Variants in RMC1 observed in about 807,000 individuals in gnomAD.
RMC1 encodes the protein regulator of MON1-CCZ1, also known as regulator of MON1-CCZ1 complex.
In RMC1, 44 loss-of-function variants were observed where a neutral mutation model predicts 95.5. The ratio of observed to expected loss-of-function variants is 0.46; its 90% CI spans 0.36 to 0.59. The LOEUF (loss-of-function observed/expected upper bound fraction) is 0.59. Among genes scored for constraint, RMC1 ranks in the 20% least tolerant of loss-of-function variants. RMC1 has a pLI of 0.00. For missense variants in RMC1, 705 were observed against 819.6 expected (o/e 0.86, Z 1.71); for synonymous variants, 320 against 303.6 (o/e 1.05, Z -0.56).
Position 23,516,007 on chromosome 18 carries a change from G to A in RMC1, c.549+11G>A. The A allele has an allele frequency of 6.2e-7, 1 of 1,613,826 alleles. No homozygotes were observed. The highest frequency in any genetic ancestry group is 8.5e-7 in the Non-Finnish European group (1 of 1,179,978). On this transcript the variant is annotated intron_variant, in intron 6 of 19. Coordinates refer to ENST00000269221, the MANE Select transcript of RMC1 (RefSeq NM_013326.5). ...CCTTTTCACTTTAGGGTAAGAGGAA[G>A]CCTCCCCTGAAAAAAACACCTTTCC...
At chr18:23,504,145 G>T (rs954288691) in intron 1 of RMC1, among the ~76,000 whole-genome samples, 3 of 152,242 alleles carry the variant, frequency 2.0e-5, no homozygotes, top group African/African-American at 7.2e-5. Flanking sequence ...GTTAGAACTT[G>T]GAGCCTCGGG....
rs2058509882 is a variant in RMC1, at chr18:23,531,585, A to C, written c.1895-40A>C. Reference sequence around the variant, plus strand: ...AGATGCTTTCTTTGTCCCTCATTTCATGCCACATCTAACTGGCAATTAAAT... The same window carrying C: ...AGATGCTTTCTTTGTCCCTCATTTCCTGCCACATCTAACTGGCAATTAAAT... On this transcript the variant is annotated intron_variant, in intron 19 of 19. Coordinates refer to ENST00000269221, the MANE Select transcript of RMC1 (RefSeq NM_013326.5). 1 of 1,599,952 alleles carries C rather than the reference A, an allele frequency of 6.3e-7. No individual in the cohort carries two copies. The highest frequency in any genetic ancestry group is 8.5e-7 in the Non-Finnish European group (1 of 1,175,092).
At chr18:23,523,302 C>CTT (rs2058193148) in intron 10 of RMC1, among the ~76,000 whole-genome samples, 1 of 152,070 alleles carries the variant, frequency 6.6e-6, no homozygotes, top group Non-Finnish European at 1.5e-5. Flanking sequence ...GGCTCATGAG[C>CTT]AGTATAACTG....
chr18:23,511,071 C>T (rs555705540), intron 5 of RMC1, among the ~76,000 whole-genome samples: 20 of 152,354 alleles, frequency 1.3e-4, no homozygotes, highest in African/African-American at 4.8e-4. Flanking sequence ...GACATGGAAT[C>T]ATCCTAAATG....
intron 13 of RMC1, 43 bp downstream of exon 13, chr18:23,526,808 C>A (rs763878581): frequency 6.3e-7 from 1 of 1,599,936 alleles, no homozygotes; most frequent in Non-Finnish European, 8.5e-7. Flanking sequence ...CAGTGTGAGG[C>A]CTGTGCTGCC....
chr18:23,504,603 G>A (rs1198574014), intron 2 of RMC1, 156 bp downstream of exon 2: 1 of 613,254 alleles, frequency 1.6e-6, no homozygotes, highest in African/African-American at 1.8e-5. Flanking sequence ...GAGGGTCTTC[G>A]TGGCACTTAC....
At chr18:23,518,042 A>G (rs908716596) in intron 7 of RMC1, among the ~76,000 whole-genome samples, 1 of 152,226 alleles carries the variant, frequency 6.6e-6, no homozygotes, top group Admixed American at 6.5e-5. Context: ...GACAATAGAT[A>G]AAGTGAGAGC....
At chr18:23,527,749 G>T in intron 13 of RMC1, 46 bp from the exon 14 acceptor site, 1 of 1,472,836 alleles carries the variant, frequency 6.8e-7, no homozygotes, top group South Asian at 1.1e-5. Context: ...TTCTGAAGCT[G>T]ACATGAAGTT....
chr18:23,503,685 G>A lies in RMC1; in HGVS notation c.67G>A (p.Val23Ile). ...GGTGCAGTTCGAGAAGGCGAACCCT[G>A]TCAACTGCGTCTTCTTCGATGAGGC... is the stretch of plus-strand genomic sequence containing the variant. ...RPVQFEKANP[V>I]NCVFFDEANK... The change falls in exon 1 of 20, where the codon GTC (valine) becomes ATC (isoleucine). Residue 23 changes from valine to isoleucine, a missense_variant. Coordinates refer to ENST00000269221, the MANE Select transcript of RMC1 (RefSeq NM_013326.5). The A allele has an allele frequency of 9.4e-6, 15 of 1,594,050 alleles. No homozygotes were observed. Among genetic ancestry groups the A allele is most frequent in the Non-Finnish European group, 1.3e-5 (15 of 1,170,706 alleles).
At chr18:23,520,085 G>T in intron 9 of RMC1, 117 bp from the exon 10 acceptor site, 1 of 726,792 alleles carries the variant, frequency 1.4e-6, no homozygotes. Context: ...TAGCCTGTAG[G>T]GAGGAAATGC....
intron 13 of RMC1, 92 bp downstream of exon 13, chr18:23,526,857 C>G: frequency 6.7e-7 from 1 of 1,501,676 alleles, no homozygotes; most frequent in Non-Finnish European, 9.0e-7. Context: ...ATTGTTGTGT[C>G]TTGTCTGTGA....
In RMC1 at chr18:23,522,558, C is replaced by T. The variant is rs117376822; in HGVS notation, c.962-1572C>T. 7.6e-3 allele frequency: 1,156 copies of T among 152,466 alleles called. 34 individuals carry two copies. Among genetic ancestry groups the T allele is most frequent in the East Asian group, 0.067 (350 of 5,186 alleles). The allele number at this position is 152,466 out of a possible 1,614,324, so 9.4% of individuals were successfully genotyped here. On this transcript the variant is annotated intron_variant, in intron 10 of 19. Transcript: ENST00000269221. The stretch of plus-strand genomic sequence containing the variant: ...TGGCCCAAGACCATTCTTCTTCTTC[C>T]TCTTAAGGCCCAGGGAAGCCAAAAC...
chr18:23,505,401 T>A (rs1287605249), intron 2 of RMC1, among the ~76,000 whole-genome samples: 1 of 152,104 alleles, frequency 6.6e-6, no homozygotes, highest in Non-Finnish European at 1.5e-5. Flanking sequence ...TCGAGCATGG[T>A]GTTTTGGGGA....
chr18:23,529,789 G>T, intron 16 of RMC1, 77 bp downstream of exon 16: 1 of 1,402,496 alleles, frequency 7.1e-7, no homozygotes, highest in South Asian at 1.2e-5. Context: ...CTTAGAAGAT[G>T]ACTCATATGC....
In RMC1 at chr18:23,503,684, T is replaced by A; in HGVS notation, c.66T>A (p.Pro22=). 1 of 1,593,958 alleles carries A rather than the reference T, an allele frequency of 6.3e-7. No individual in the cohort carries two copies. Among genetic ancestry groups the A allele is most frequent in the Non-Finnish European group, 8.5e-7 (1 of 1,170,638 alleles). ...CGGTGCAGTTCGAGAAGGCGAACCC[T>A]GTCAACTGCGTCTTCTTCGATGAGG... ...ERPVQFEKAN[P]VNCVFFDEAN... Residue 22 remains proline (P), a synonymous_variant, in exon 1 of 20, where the codon CCT becomes CCA. Transcript: ENST00000269221.
chr18:23,508,158 C>T (rs971558452), intron 4 of RMC1, 117 bp downstream of exon 4: 6 of 870,890 alleles, frequency 6.9e-6, no homozygotes, highest in African/African-American at 1.7e-5. Context: ...GACTGTCCCT[C>T]ATGTTGATTC....
At chr18:23,507,776 TA>T (rs1297485382) in intron 3 of RMC1, among the ~76,000 whole-genome samples, 2 of 152,086 alleles carry the variant, frequency 1.3e-5, no homozygotes, top group Non-Finnish European at 1.5e-5. Flanking sequence ...TGTATTAACT[TA>T]AAAAAAATTG....
At chr18:23,512,212 G>A (rs900568547) in intron 5 of RMC1, among the ~76,000 whole-genome samples, 3 of 151,832 alleles carry the variant, frequency 2.0e-5, no homozygotes, top group South Asian at 2.1e-4. Flanking sequence ...GAAGAGGTGG[G>A]GTTTCACCAT....
chr18:23,516,016 G>A lies in RMC1; in HGVS notation c.549+20G>A, dbSNP rs776098573. 3.2e-5 allele frequency: 52 copies of A among 1,612,998 alleles called. No individual in the cohort carries two copies. Among genetic ancestry groups the A allele is most frequent in the Non-Finnish European group, 4.4e-5 (52 of 1,179,754 alleles). ...TTTAGGGTAAGAGGAAGCCTCCCCT[G>A]AAAAAAACACCTTTCCCCAGTTGTC... On this transcript the variant is annotated intron_variant, in intron 6 of 19. Coordinates refer to ENST00000269221, the MANE Select transcript of RMC1 (RefSeq NM_013326.5).
Sources: gnomAD v4.1 joint callset for allele counts (sites outside exome capture counted in the v4.1 genomes callset) on GRCh38, gnomAD v4.1.1 for gene constraint, MANE v1.5 for transcripts, NCBI Gene and HGNC (gene_info 2026-07-23, HGNC 2026-07-21) for gene names.